The following EYA4 variants were observed in gnomAD, a reference collection of about 807,000 sequenced individuals.
EYA4 encodes protein phosphatase EYA4.
In EYA4, 31 loss-of-function variants were observed where a neutral mutation model predicts 87.9. The observed-to-expected ratio is 0.35, with a 90% CI of 0.27 to 0.48. EYA4 has a LOEUF of 0.48. Ranked by LOEUF, EYA4 falls within the 20% of genes least tolerant of loss-of-function variation. The probability of loss-of-function intolerance (pLI) is 0.99; values close to 1 mark genes in which losing one functional copy is unlikely to be tolerated. For missense variants in EYA4, 678 were observed against 761.4 expected (o/e 0.89, Z 1.29); for synonymous variants, 263 against 270.6 (o/e 0.97, Z 0.28).
intron 1 of EYA4, among the ~76,000 whole-genome samples, chr6:133,245,806 A>G (rs1010008424): frequency 2.0e-5 from 3 of 152,232 alleles, no homozygotes; most frequent in South Asian, 2.1e-4. Context: ...AAGAAGTACA[A>G]GCAACTTTGA....
chr6:133,263,610 T>C (rs144498116), intron 1 of EYA4, among the ~76,000 whole-genome samples: 2 of 152,306 alleles, frequency 1.3e-5, no homozygotes, highest in East Asian at 3.9e-4. Flanking sequence ...CCCTACCTAA[T>C]GGGTTAAGCT....
At chr6:133,358,876 A>G (rs1298347979) in intron 2 of EYA4, among the ~76,000 whole-genome samples, 2 of 152,214 alleles carry the variant, frequency 1.3e-5, no homozygotes, top group Non-Finnish European at 2.9e-5. Context: ...AACAGAGGGG[A>G]AAAACTACTG....
chr6:133,531,126 T>C lies in EYA4; in HGVS notation c.*2321T>C. ...CTGTGGGTGCAGAAAGAAACACCCC[T>C]TGGAAGGGCAAAGAGAAGCCGGCTG... is the stretch of plus-strand genomic sequence containing the variant. On this transcript the variant is annotated 3_prime_UTR_variant, in exon 20 of 20. Transcript: ENST00000355286. 1 of 1,522,030 alleles carries C rather than the reference T, an allele frequency of 6.6e-7. No individual in the cohort carries two copies. The highest frequency in any genetic ancestry group is 1.2e-5 in the South Asian group (1 of 82,406). 94.3% of individuals were successfully genotyped at this position (1,522,030 alleles called of 1,614,324 possible).
At chr6:133,430,399 C>T (rs549015387) in intron 3 of EYA4, among the ~76,000 whole-genome samples, 4 of 152,072 alleles carry the variant, frequency 2.6e-5, no homozygotes, top group Non-Finnish European at 5.9e-5. Flanking sequence ...CCATGTTTTA[C>T]GGAGAATTCA....
intron 2 of EYA4, among the ~76,000 whole-genome samples, chr6:133,357,135 G>A (rs1297699724): frequency 1.3e-5 from 2 of 151,506 alleles, no homozygotes; most frequent in African/African-American, 4.8e-5. Flanking sequence ...GCCGGGCTTC[G>A]TGGCGGGCGC....
At chr6:133,429,857 CTTTTA>C (rs1227929811) in intron 3 of EYA4, among the ~76,000 whole-genome samples, 1 of 152,028 alleles carries the variant, frequency 6.6e-6, no homozygotes, top group Non-Finnish European at 1.5e-5. Context: ...CTTCAGTTTT[CTTTTA>C]TTTTATTTAT....
chr6:133,423,511 T>C (rs1457170313), intron 3 of EYA4, among the ~76,000 whole-genome samples: 1 of 152,250 alleles, frequency 6.6e-6, no homozygotes, highest in Non-Finnish European at 1.5e-5. Flanking sequence ...CAATGTTTCA[T>C]TGTTGTTTAA....
chr6:133,348,312 T>A (rs1462444014), intron 2 of EYA4, among the ~76,000 whole-genome samples: 1 of 141,454 alleles, frequency 7.1e-6, no homozygotes, highest in Admixed American at 7.4e-5. Context: ...CTCGCTCTGT[T>A]GCCCAGGCTG....
At chr6:133,382,291 G>A in intron 2 of EYA4, 101 bp from the exon 3 acceptor site, 3 of 832,850 alleles carry the variant, frequency 3.6e-6, no homozygotes, top group South Asian at 2.7e-5. Context: ...GTATTTTATA[G>A]AGAACTTGGT....
At chr6:133,305,208 G>T (rs1373775400) in intron 2 of EYA4, among the ~76,000 whole-genome samples, 1 of 152,124 alleles carries the variant, frequency 6.6e-6, no homozygotes, top group Non-Finnish European at 1.5e-5. Context: ...GTAAGAGATG[G>T]GGTCAGGCTA....
intron 2 of EYA4, among the ~76,000 whole-genome samples, chr6:133,282,021 G>T (rs1777667813): frequency 6.6e-6 from 1 of 151,724 alleles, no homozygotes. Context: ...TTCCATTGTT[G>T]TGGGCACCTA....
intron 17 of EYA4, among the ~76,000 whole-genome samples, chr6:133,519,792 C>A (rs1799949029): frequency 6.6e-6 from 1 of 150,988 alleles, no homozygotes; most frequent in Non-Finnish European, 1.5e-5. Flanking sequence ...AAAAGCTTAT[C>A]CACCATGATC....
chr6:133,504,110 G>A (rs1477976222), intron 13 of EYA4, among the ~76,000 whole-genome samples: 1 of 152,106 alleles, frequency 6.6e-6, no homozygotes, highest in African/African-American at 2.4e-5. Context: ...TAGAAACAGG[G>A]TTTTACCATG....
chr6:133,328,421 G>C (rs1239781041), intron 2 of EYA4, among the ~76,000 whole-genome samples: 1 of 152,054 alleles, frequency 6.6e-6, no homozygotes, highest in African/African-American at 2.4e-5. Flanking sequence ...GCATAGGATG[G>C]CTTTAGGGAT....
chr6:133,385,164 T>C (rs1786596344), intron 3 of EYA4, among the ~76,000 whole-genome samples: 1 of 151,588 alleles, frequency 6.6e-6, no homozygotes, highest in South Asian at 2.1e-4. Flanking sequence ...CCAGGCGTGG[T>C]GGCAGGCGCC....
In EYA4 at chr6:133,446,651, A is replaced by C. The variant is rs1792873658; in HGVS notation, c.105A>C (p.Leu35=). 1 of 1,613,768 alleles carries C rather than the reference A, an allele frequency of 6.2e-7. No individual in the cohort carries two copies. The highest frequency in any genetic ancestry group is 8.5e-7 in the Non-Finnish European group (1 of 1,179,694). The change falls in exon 4 of 20, where the codon CTA becomes CTC. Residue 35 remains leucine (L), a synonymous_variant. Coordinates refer to ENST00000355286, the MANE Select transcript of EYA4 (RefSeq NM_004100.5). The part of the protein sequence containing the change: ...QNSRSMEMQD[L]ASPHTLVGGG... ...CCAGGTCTATGGAAATGCAGGACCT[A>C]GCAAGTCCTCATACTCTTGTTGGAG...
intron 2 of EYA4, among the ~76,000 whole-genome samples, chr6:133,330,188 T>A (rs947911311): frequency 1.5e-4 from 23 of 152,144 alleles, no homozygotes; most frequent in African/African-American, 5.1e-4. Flanking sequence ...GATAATAAAG[T>A]CAAGAGCGTC....
chr6:133,441,183 G>A (rs1032466215), intron 3 of EYA4, among the ~76,000 whole-genome samples: 8 of 151,716 alleles, frequency 5.3e-5, no homozygotes, highest in Non-Finnish European at 1.2e-4. Context: ...TTTTTCCTCT[G>A]TGCTTCAGTT....
At chr6:133,278,732 A>T (rs529144491) in intron 2 of EYA4, among the ~76,000 whole-genome samples, 2 of 152,288 alleles carry the variant, frequency 1.3e-5, no homozygotes, top group East Asian at 3.9e-4. Flanking sequence ...TCTGGCTCCT[A>T]TTTGGCATTC....
Sources: allele counts gnomAD v4.1 joint callset (sites outside exome capture counted in the v4.1 genomes callset), GRCh38; gene constraint gnomAD v4.1.1; transcripts MANE v1.5; gene names NCBI Gene and HGNC (gene_info 2026-07-23, HGNC 2026-07-21).